Variants in GRIN2D observed in about 807,000 individuals in gnomAD.
GRIN2D encodes glutamate ionotropic receptor NMDA type subunit 2D.
GRIN2D carries 37 observed loss-of-function variants against 103.2 expected under a neutral mutation model. The ratio of observed to expected loss-of-function variants is 0.36; its 90% CI spans 0.28 to 0.47. GRIN2D has a LOEUF of 0.47. Ranked by LOEUF, GRIN2D falls within the 20% of genes least tolerant of loss-of-function variation. The pLI is 1.00. For missense variants in GRIN2D, 1,557 were observed against 1,910.6 expected (o/e 0.81, Z 3.45); for synonymous variants, 845 against 885.6 (o/e 0.95, Z 0.81).
intron 8 of GRIN2D, 109 bp from the exon 9 acceptor site, chr19:48,419,125 T>C: frequency 1.1e-6 from 1 of 932,358 alleles, no homozygotes. Flanking sequence ...GTGATCCTCC[T>C]GCCTCAGCCT....
rs75481032 is a variant in GRIN2D at position 48,424,948 on chromosome 19, C to A, written c.2252+3003C>A. 3.8e-3 allele frequency among the ~76,000 whole-genome samples: 577 copies of A among 152,218 alleles called. 14 individuals carry two copies. In the East Asian group the frequency reaches 0.065, roughly 17 times the overall value. ...GCCAGCCTGCTGACTCATCTCTCCC[C>A]CTTCCCCCTTCTTCCGTTTTCTTCT... On this transcript the variant is annotated intron_variant, in intron 11 of 13. Coordinates refer to ENST00000263269, the MANE Select transcript of GRIN2D (RefSeq NM_000836.4).
In GRIN2D at chr19:48,443,154, G is replaced by A; in HGVS notation, c.3228G>A (p.Ala1076=). ...GCCAACCCCTGCTGGGGCCAGGCGC[G>A]GGCGGCGCGGGGGGCACGGGGGGCG... ...PESQPLLGPG[A]GGAGGTGGAG... is the part of the protein sequence containing the mutation. Residue 1076 remains alanine (A), a synonymous_variant, in exon 14 of 14, where the codon GCG becomes GCA. Coordinates refer to ENST00000263269, the MANE Select transcript of GRIN2D (RefSeq NM_000836.4). This position sits in a 1 kb window ranked among gnomAD's most constrained non-coding sequence, Gnocchi z 8.9. 1.0e-6 allele frequency: 1 copy of A among 993,008 alleles called. No individual in the cohort carries two copies. The highest frequency in any genetic ancestry group is 1.2e-6 in the Non-Finnish European group (1 of 835,140). 61.5% of individuals were successfully genotyped at this position (993,008 alleles called of 1,614,324 possible).
At position 48,442,730 on chromosome 19, in the gene GRIN2D, G is replaced by T. The variant is rs1971314422; in HGVS notation, c.2804G>T (p.Arg935Leu). Residue 935 changes from arginine to leucine, a missense_variant, in exon 14 of 14, where the codon CGC becomes CTC. Arg to Leu is a moderately radical substitution (Grantham distance 102). Around this residue, in one of 7 missense-constraint regions of GRIN2D, gnomAD observed 632 missense variants for 572.8 expected, o/e 1.10. Transcript: ENST00000263269. This position sits in a 1 kb window ranked among gnomAD's most constrained non-coding sequence, Gnocchi z 7.2. ...PAPGPAPFVP[R>L]ERASVDRWRR... is the part of the protein sequence containing the mutation. ...CCCGGGCCCGCACCTTTCGTGCCCC[G>T]CGAGCGCGCCTCAGTGGACCGCTGG... 6.3e-6 allele frequency: 7 copies of T among 1,112,304 alleles called. No individual in the cohort carries two copies. The Admixed American group carries it at 2.5e-4, about 39-fold the overall frequency. 68.9% of individuals were successfully genotyped at this position (1,112,304 alleles called of 1,614,324 possible).
chr19:48,441,799 A>T lies in GRIN2D; in HGVS notation c.2283A>T (p.Ala761=). 2.5e-6 allele frequency: 4 copies of T among 1,613,836 alleles called. No individual in the cohort carries two copies. The highest frequency in any genetic ancestry group is 3.4e-6 in the Non-Finnish European group (4 of 1,179,942). ...TGGACGCCTTCATCTACGATGCTGCAGTGCTCAATTACATGGCCCGCAAGG... is the reference window on the plus strand; with the variant it reads ...TGGACGCCTTCATCTACGATGCTGCTGTGCTCAATTACATGGCCCGCAAGG... ...GKLDAFIYDA[A]VLNYMARKDE... is the part of the protein sequence containing the mutation. The change falls in exon 12 of 14, where the codon GCA becomes GCT. Residue 761 remains alanine, a synonymous_variant. Coordinates refer to ENST00000263269, the MANE Select transcript of GRIN2D (RefSeq NM_000836.4).
chr19:48,443,713 C>G lies in GRIN2D; in HGVS notation c.3787C>G (p.Pro1263Ala). 2 of 1,313,868 alleles carry G rather than the reference C, an allele frequency of 1.5e-6. No individual in the cohort carries two copies. The highest frequency in any genetic ancestry group is 1.9e-6 in the Non-Finnish European group (2 of 1,033,952). 81.4% of individuals were successfully genotyped at this position (1,313,868 alleles called of 1,614,324 possible). A position where few individuals can be genotyped will look rare whatever the true frequency, so the allele number is the denominator to read the frequency against. ...GCGCGCCGCTGGGGGCTGGGACCTC[C>G]CGCCGCCCGCGCCCACCTCGCGCTC... is the stretch of plus-strand genomic sequence containing the variant. ...HRRAAGGWDL[P>A]PPAPTSRSLE... is the part of the protein sequence containing the mutation. Residue 1263 changes from proline (P) to alanine (A), a missense_variant, in exon 14 of 14, where the codon CCG (proline) becomes GCG (alanine). Coordinates refer to ENST00000263269, the MANE Select transcript of GRIN2D (RefSeq NM_000836.4). The surrounding 1 kb of genome is among the most constrained non-coding windows in gnomAD (Gnocchi z 8.9).
intron 11 of GRIN2D, among the ~76,000 whole-genome samples, chr19:48,441,161 G>C (rs561401549): frequency 6.6e-6 from 1 of 151,854 alleles, no homozygotes; most frequent in Non-Finnish European, 1.5e-5. Context: ...ACAGGGGTTC[G>C]AGATCAGCCT....
At chr19:48,395,464 A>G (rs150219469) in intron 2 of GRIN2D, among the ~76,000 whole-genome samples, 20 of 151,946 alleles carry the variant, frequency 1.3e-4, no homozygotes, top group Non-Finnish European at 5.9e-5. Flanking sequence ...TCTTCCAAGC[A>G]TCAGGATTCG....
chr19:48,412,585 C>T (rs1279871886), intron 4 of GRIN2D, among the ~76,000 whole-genome samples: 2 of 150,696 alleles, frequency 1.3e-5, no homozygotes, highest in African/African-American at 4.9e-5. Context: ...GTCATGAGTT[C>T]GAGACCACCC....
In GRIN2D at chr19:48,394,489, G is replaced by A. The variant is rs1288916683; in HGVS notation, c.-305-169G>A. ...GGGGCTGAGGGCACAAAGCGGGGGT[G>A]CGAGTGAGCCAGGGAGAGGCGGGAC... is the stretch of plus-strand genomic sequence containing the variant. On this transcript the variant is annotated intron_variant, in intron 1 of 13. Coordinates refer to ENST00000263269, the MANE Select transcript of GRIN2D (RefSeq NM_000836.4). This position sits in a 1 kb window ranked among gnomAD's most constrained non-coding sequence, Gnocchi z 5.1. Among the ~76,000 whole-genome samples, 1 of 149,680 alleles carries A rather than the reference G, an allele frequency of 6.7e-6. No homozygotes were observed.
At position 48,398,741 on chromosome 19, in the gene GRIN2D, T is replaced by G. The variant is rs1311825644; in HGVS notation, c.349T>G (p.Phe117Val). 1 of 1,466,322 alleles carries G rather than the reference T, an allele frequency of 6.8e-7. No individual in the cohort carries two copies. The highest frequency in any genetic ancestry group is 2.4e-5 in the Admixed American group (1 of 40,924). The allele number at this position is 1,466,322 out of a possible 1,614,324, so 90.8% of individuals were successfully genotyped here. A position where few individuals can be genotyped will look rare whatever the true frequency, so the allele number is the denominator to read the frequency against. ...LSGLRVHGVV[F>V]EDDSRAPAVA... is the part of the protein sequence containing the mutation. ...GGGGTTGCGCGTGCACGGCGTGGTC[T>G]TCGAAGACGACTCGCGCGCGCCCGC... is the stretch of plus-strand genomic sequence containing the variant. The change falls in exon 3 of 14, where the codon TTC becomes GTC. Residue 117 changes from phenylalanine to valine, a missense_variant. Coordinates refer to ENST00000263269, the MANE Select transcript of GRIN2D (RefSeq NM_000836.4).
chr19:48,410,034 C>G (rs970930383), intron 4 of GRIN2D, among the ~76,000 whole-genome samples: 39 of 151,586 alleles, frequency 2.6e-4, no homozygotes, highest in African/African-American at 9.2e-4. Flanking sequence ...ATCTGCCCCC[C>G]TCAGCCTCCC....
At chr19:48,431,715 GC>G (rs1284154219) in intron 11 of GRIN2D, among the ~76,000 whole-genome samples, 3 of 151,536 alleles carry the variant, frequency 2.0e-5, no homozygotes, top group Non-Finnish European at 2.9e-5. Context: ...CTCCCAAGCA[GC>G]TCCGATTACA....
At chr19:48,397,575 T>C (rs78611285) in intron 2 of GRIN2D, among the ~76,000 whole-genome samples, 2,210 of 152,104 alleles carry the variant, frequency 0.015, 29 homozygotes, top group Non-Finnish European at 0.024. Flanking sequence ...CCTGCCTTGC[T>C]GTCTTCTTCT....
chr19:48,433,272 G>A (rs2147467751), intron 11 of GRIN2D, among the ~76,000 whole-genome samples: 1 of 151,924 alleles, frequency 6.6e-6, no homozygotes, highest in Non-Finnish European at 1.5e-5. Flanking sequence ...GGAGGCTGAG[G>A]CAGAATCGCT....
rs947116012 is a variant in GRIN2D at position 48,444,658 on chromosome 19, T to A, written c.*721T>A. 1 of 151,334 alleles carries A rather than the reference T, an allele frequency of 6.6e-6. No homozygotes were observed. The highest frequency in any genetic ancestry group is 1.5e-5 in the Non-Finnish European group (1 of 67,992). 9.4% of individuals were successfully genotyped at this position (151,334 alleles called of 1,614,324 possible). On this transcript the variant is annotated 3_prime_UTR_variant, in exon 14 of 14. Coordinates refer to ENST00000263269, the MANE Select transcript of GRIN2D (RefSeq NM_000836.4). This position sits in a 1 kb window ranked among gnomAD's most constrained non-coding sequence, Gnocchi z 5.5. ...CCCTTGCACCGCGATGAACCCAACCTCCCTGAAGCCAAAACTTCCCACCCT... is the reference window on the plus strand; with the variant it reads ...CCCTTGCACCGCGATGAACCCAACCACCCTGAAGCCAAAACTTCCCACCCT...
chr19:48,435,925 G>A (rs752095071), intron 11 of GRIN2D, among the ~76,000 whole-genome samples: 5 of 152,210 alleles, frequency 3.3e-5, no homozygotes, highest in Admixed American at 6.5e-5. Context: ...AAGGGGATAC[G>A]CGCTATGGGT....
chr19:48,439,158 G>A (rs141528927), intron 11 of GRIN2D, among the ~76,000 whole-genome samples: 1,833 of 150,126 alleles, frequency 0.012, 31 homozygotes, highest in African/African-American at 0.042. Flanking sequence ...GGAGGCTGAG[G>A]CAGGAGGATT....
At chr19:48,419,919 G>A (rs1165377353) in intron 10 of GRIN2D, 105 bp downstream of exon 10, 3 of 230,808 alleles carry the variant, frequency 1.3e-5, no homozygotes, top group African/African-American at 7.7e-5. Context: ...GCGGGGGTGA[G>A]AGGGGTGGGG....
chr19:48,443,445 C>G lies in GRIN2D; in HGVS notation c.3519C>G (p.Ser1173Arg). The change falls in exon 14 of 14, where the codon AGC (serine) becomes AGG (arginine). Residue 1173 changes from serine to arginine, a missense_variant. By Grantham distance (110) the Ser-to-Arg change is moderately radical. Coordinates refer to ENST00000263269, the MANE Select transcript of GRIN2D (RefSeq NM_000836.4). The surrounding 1 kb of genome is among the most constrained non-coding windows in gnomAD (Gnocchi z 8.9). The part of the protein sequence containing the change: ...AGSWDYLPPR[S>R]GPAAWHCRHC... ...GCTGGGACTACCTGCCCCCGCGCAG[C>G]GGTCCGGCCGCCTGGCACTGTCGGC... 7.2e-7 allele frequency: 1 copy of G among 1,380,754 alleles called. No homozygotes were observed. Among genetic ancestry groups the G allele is most frequent in the Non-Finnish European group, 9.3e-7 (1 of 1,071,810 alleles). 85.5% of individuals were successfully genotyped at this position (1,380,754 alleles called of 1,614,324 possible).
Sources: gnomAD v4.1 joint callset for allele counts (sites outside exome capture counted in the v4.1 genomes callset) on GRCh38, gnomAD v4.1.1 for gene constraint, gnomAD v4.1.1 regional missense constraint, Gnocchi (gnomAD v3.1) non-coding constraint, MANE v1.5 for transcripts, NCBI Gene and HGNC (gene_info 2026-07-23, HGNC 2026-07-21) for gene names.